Variants in PLPP4 observed in about 807,000 individuals in gnomAD.
PLPP4 encodes the protein diacylglycerol pyrophosphate like 2.
In PLPP4, 20 loss-of-function variants were observed where a neutral mutation model predicts 32.2. That is an observed-to-expected ratio of 0.62 (90% CI 0.44 to 0.90). The LOEUF (loss-of-function observed/expected upper bound fraction) is 0.90, where lower values mean the gene tolerates loss of function less well. Among genes scored for constraint, PLPP4 ranks in the 40% least tolerant of loss-of-function variants. The pLI, the probability that PLPP4 is intolerant of heterozygous loss-of-function variation, is 0.00. For missense variants in PLPP4, 257 were observed against 353.1 expected, an observed-to-expected ratio of 0.73 and a Z score of 2.18; for synonymous variants, 127 against 133.0, an observed-to-expected ratio of 0.95 and a Z score of 0.31.
chr10:120,568,722 A>C (rs542672414), intron 5 of PLPP4, among the ~76,000 whole-genome samples: 1 of 152,174 alleles, frequency 6.6e-6, no homozygotes, highest in Admixed American at 6.5e-5. Context: ...TTTTATATTT[A>C]TGTTTCAGAT....
intron 6 of PLPP4, among the ~76,000 whole-genome samples, chr10:120,576,459 C>T (rs1359048931): frequency 2.6e-5 from 4 of 152,210 alleles, no homozygotes; most frequent in Admixed American, 2.6e-4. Context: ...GAACTCCTAG[C>T]TGAGAGCCCC....
intron 1 of PLPP4, among the ~76,000 whole-genome samples, chr10:120,486,028 G>A (rs1844432301): frequency 6.6e-6 from 1 of 152,194 alleles, no homozygotes; most frequent in Admixed American, 6.5e-5. Context: ...GATGCTGCTT[G>A]AAAACCAGCC....
chr10:120,525,533 T>C (rs1846351806), intron 5 of PLPP4, among the ~76,000 whole-genome samples: 2 of 152,180 alleles, frequency 1.3e-5, no homozygotes, highest in Admixed American at 6.5e-5. Flanking sequence ...TGATCAGACA[T>C]GGCCCACGTT....
chr10:120,545,094 C>G (rs1847553709), intron 5 of PLPP4, among the ~76,000 whole-genome samples: 1 of 152,214 alleles, frequency 6.6e-6, no homozygotes, highest in Admixed American at 6.5e-5. Flanking sequence ...AGGTGAGGAT[C>G]TTTATAGGGC....
rs749316929 is a variant in PLPP4, at chr10:120,589,541, A to G, written c.*39A>G. 1.3e-6 allele frequency: 2 copies of G among 1,500,510 alleles called. No individual in the cohort carries two copies. Among genetic ancestry groups the G allele is most frequent in the Non-Finnish European group, 1.8e-6 (2 of 1,082,214 alleles). The allele number at this position is 1,500,510 out of a possible 1,614,324, so 92.9% of individuals were successfully genotyped here. A position where few individuals can be genotyped will look rare whatever the true frequency, so the allele number is the denominator to read the frequency against. Reference sequence around the variant, plus strand: ...AGGATGGACACTAAGCCCTGGGCACATCTGCCACCCTGACATCATAACACA... The same window carrying G: ...AGGATGGACACTAAGCCCTGGGCACGTCTGCCACCCTGACATCATAACACA... On this transcript the variant is annotated 3_prime_UTR_variant, in exon 7 of 7. Transcript: ENST00000398250.
intron 5 of PLPP4, among the ~76,000 whole-genome samples, chr10:120,562,359 AG>A (rs1848474574): frequency 6.6e-6 from 1 of 152,182 alleles, no homozygotes; most frequent in Non-Finnish European, 1.5e-5. Context: ...TTTTCTACAT[AG>A]AAAATCATAC....
intron 5 of PLPP4, among the ~76,000 whole-genome samples, chr10:120,564,165 T>G (rs1227541404): frequency 6.6e-6 from 1 of 152,146 alleles, no homozygotes; most frequent in Non-Finnish European, 1.5e-5. Context: ...TTTTAATACA[T>G]ATTATTTTCA....
At chr10:120,476,448 C>T (rs1002672989) in intron 1 of PLPP4, among the ~76,000 whole-genome samples, 17 of 152,164 alleles carry the variant, frequency 1.1e-4, no homozygotes, top group Non-Finnish European at 4.4e-5. Context: ...AACTGATGCT[C>T]GGGGAAGGAA....
chr10:120,514,311 A>C (rs930168963), intron 3 of PLPP4, among the ~76,000 whole-genome samples: 2 of 152,154 alleles, frequency 1.3e-5, no homozygotes, highest in Non-Finnish European at 2.9e-5. Flanking sequence ...AGGCAAAGTA[A>C]ATCTAAAACT....
chr10:120,486,422 C>G (rs989158684), intron 1 of PLPP4, among the ~76,000 whole-genome samples: 1 of 152,084 alleles, frequency 6.6e-6, no homozygotes, highest in African/African-American at 2.4e-5. Flanking sequence ...AGGTGTGGCT[C>G]TGAAATTTGG....
At chr10:120,572,819 C>T (rs560310346) in intron 5 of PLPP4, among the ~76,000 whole-genome samples, 3 of 152,174 alleles carry the variant, frequency 2.0e-5, no homozygotes, top group East Asian at 1.9e-4. Flanking sequence ...TTTAAGAAGT[C>T]GTTGTGCTTG....
intron 1 of PLPP4, among the ~76,000 whole-genome samples, chr10:120,472,093 T>A (rs906049073): frequency 2.0e-5 from 3 of 152,108 alleles, no homozygotes; most frequent in African/African-American, 7.2e-5. Flanking sequence ...ACATTTAAAT[T>A]ATTTTTACTT....
At chr10:120,549,979 T>A (rs1589862797) in intron 5 of PLPP4, among the ~76,000 whole-genome samples, 2 of 152,058 alleles carry the variant, frequency 1.3e-5, no homozygotes, top group Middle Eastern at 3.4e-3. Context: ...TTAGTGGTGG[T>A]CCTAGTCAGT....
rs543008246 is a variant in PLPP4, at chr10:120,582,198, G to A, written c.616+6897G>A. 3.9e-4 allele frequency among the ~76,000 whole-genome samples: 60 copies of A among 152,330 alleles called. No individual in the cohort carries two copies. The South Asian group carries it at 0.01, about 26-fold the overall frequency. The stretch of plus-strand genomic sequence containing the variant: ...AACAACAGAAAGATATTGTCTCACC[G>A]TTCTGGAGGCTGGAAGTCTGAAATC... On this transcript the variant is annotated intron_variant, in intron 6 of 6. Transcript: ENST00000398250.
At chr10:120,589,248 G>A in intron 6 of PLPP4, 55 bp from the exon 7 acceptor site, 2 of 1,534,164 alleles carry the variant, frequency 1.3e-6, no homozygotes, top group Non-Finnish European at 1.8e-6. Flanking sequence ...AATATAATTG[G>A]CCACATTTGA....
intron 6 of PLPP4, 135 bp downstream of exon 6, chr10:120,575,436 C>T (rs1385802574): frequency 8.4e-6 from 8 of 950,924 alleles, no homozygotes; most frequent in South Asian, 1.8e-5. Context: ...AATGACAGAG[C>T]GGATAAAATT....
chr10:120,554,565 G>T (rs1848062007), intron 5 of PLPP4, among the ~76,000 whole-genome samples: 1 of 152,100 alleles, frequency 6.6e-6, no homozygotes. Flanking sequence ...TTCTGTCTTA[G>T]TTCATTCTCA....
chr10:120,564,813 C>A (rs1408158864), intron 5 of PLPP4, among the ~76,000 whole-genome samples: 3 of 151,704 alleles, frequency 2.0e-5, no homozygotes, highest in Non-Finnish European at 1.5e-5. Flanking sequence ...ATTTTTCTTT[C>A]TTTTTTGTGT....
intron 1 of PLPP4, among the ~76,000 whole-genome samples, chr10:120,501,599 T>A (rs1324858691): frequency 6.6e-6 from 1 of 152,228 alleles, no homozygotes; most frequent in Non-Finnish European, 1.5e-5. Flanking sequence ...TGAACGTTGC[T>A]GGACCTGACT....
Sources: gnomAD v4.1 joint callset for allele counts (sites outside exome capture counted in the v4.1 genomes callset) on GRCh38, gnomAD v4.1.1 for gene constraint, MANE v1.5 for transcripts, NCBI Gene and HGNC (gene_info 2026-07-23, HGNC 2026-07-21) for gene names.